Variants in SPHKAP observed in about 807,000 individuals in gnomAD.
The protein encoded by SPHKAP is SPHK1 interactor, AKAP domain containing, also known as A-kinase anchor protein SPHKAP.
Under a neutral mutation model 137.5 loss-of-function variants are expected in SPHKAP, and 67 were observed. That is an observed-to-expected ratio of 0.49 (90% CI 0.40 to 0.60). The LOEUF (loss-of-function observed/expected upper bound fraction) is 0.60. SPHKAP is among the 20% of genes least tolerant of loss of function. SPHKAP has a pLI of 0.00. For missense variants in SPHKAP, 2,097 were observed against 2,069.3 expected, an observed-to-expected ratio of 1.01 and a Z score of -0.26; for synonymous variants, 813 against 785.3, an observed-to-expected ratio of 1.04 and a Z score of -0.59.
intron 3 of SPHKAP, among the ~76,000 whole-genome samples, chr2:228,098,278 TC>T (rs1698061458): frequency 6.6e-6 from 1 of 152,198 alleles, no homozygotes; most frequent in Non-Finnish European, 1.5e-5. Flanking sequence ...CACATGTATG[TC>T]TTCTTTTAAG....
Position 228,128,845 on chromosome 2 carries a change from G to T in SPHKAP, c.138+3135C>A, listed in dbSNP as rs112991525. 3.9e-5 allele frequency among the ~76,000 whole-genome samples: 6 copies of T among 152,200 alleles called. 1 individual carries two copies. Among genetic ancestry groups the T allele is most frequent in the African/African-American group, 1.4e-4 (6 of 41,540 alleles). ...AGGAATCTTTTTTTATGAGCAGTAG[G>T]CTTCAAAAGGGGGCTTAAAATATTC... On this transcript the variant is annotated intron_variant, in intron 2 of 11. Transcript: ENST00000392056.
chr2:228,030,513 C>CAAAAAAAAAAAAAAA (rs11287311), intron 3 of SPHKAP, among the ~76,000 whole-genome samples: 3 of 48,766 alleles, frequency 6.2e-5, no homozygotes, highest in East Asian at 1.3e-3. Flanking sequence ...GATACCATCT[C>CAAAAAAAAAAAAAAA]AAAAAAAAAA....
intron 3 of SPHKAP, among the ~76,000 whole-genome samples, chr2:228,044,906 T>A (rs1052542364): frequency 4.6e-5 from 7 of 151,632 alleles, no homozygotes; most frequent in East Asian, 3.9e-4. Context: ...TACAAGAAAA[T>A]AACAAACAAC....
intron 5 of SPHKAP, among the ~76,000 whole-genome samples, chr2:228,024,547 T>G (rs1012650029): frequency 6.6e-6 from 1 of 152,162 alleles, no homozygotes; most frequent in Non-Finnish European, 1.5e-5. Context: ...CGTTTATTAA[T>G]TGATTTATCA....
chr2:228,179,507 G>A (rs1264510671), intron 1 of SPHKAP, among the ~76,000 whole-genome samples: 1 of 152,136 alleles, frequency 6.6e-6, no homozygotes, highest in African/African-American at 2.4e-5. Flanking sequence ...ATCAACTCAT[G>A]TACAGGAGTT....
intron 2 of SPHKAP, among the ~76,000 whole-genome samples, chr2:228,125,561 G>T (rs962243277): frequency 1.3e-5 from 2 of 152,076 alleles, no homozygotes; most frequent in African/African-American, 4.8e-5. Context: ...GAGAAACCTG[G>T]GATCTAATTC....
chr2:228,113,173 A>C lies in SPHKAP; in HGVS notation c.139-4234T>G, dbSNP rs1212183425. Among the ~76,000 whole-genome samples, 3 of 143,668 alleles carry C rather than the reference A, an allele frequency of 2.1e-5. No individual in the cohort carries two copies. The Admixed American group carries it at 2.3e-4, about 11-fold the overall frequency. The allele number at this position is 143,668 out of a possible 152,430, so 94.3% of individuals were successfully genotyped here. A position where few individuals can be genotyped will look rare whatever the true frequency, so the allele number is the denominator to read the frequency against. On this transcript the variant is annotated intron_variant, in intron 2 of 11. Coordinates refer to ENST00000392056, the MANE Select transcript of SPHKAP (RefSeq NM_001142644.2). The stretch of plus-strand genomic sequence containing the variant: ...ATTAGTTAATCTGATTATATCAGTA[A>C]TTAAAATAAGATATATTTTTCCATA...
chr2:228,140,231 G>A (rs1438395979), intron 1 of SPHKAP, among the ~76,000 whole-genome samples: 1 of 150,262 alleles, frequency 6.7e-6, no homozygotes, highest in East Asian at 2.0e-4. Context: ...ACAGGTGTGA[G>A]CTACTGCACC....
intron 7 of SPHKAP, among the ~76,000 whole-genome samples, chr2:228,003,709 T>A (rs946858820): frequency 2.0e-5 from 3 of 152,228 alleles, no homozygotes; most frequent in African/African-American, 7.2e-5. Context: ...TTGTCATAAA[T>A]AGCCCTTATT....
At chr2:228,013,251 A>G (rs1419299355) in intron 7 of SPHKAP, among the ~76,000 whole-genome samples, 1 of 152,118 alleles carries the variant, frequency 6.6e-6, no homozygotes. Context: ...TTTGTAAGAT[A>G]TTCCTTTTTC....
At chr2:228,069,340 T>C (rs1011422962) in intron 3 of SPHKAP, among the ~76,000 whole-genome samples, 1 of 152,204 alleles carries the variant, frequency 6.6e-6, no homozygotes, top group Non-Finnish European at 1.5e-5. Context: ...TATTCTGACT[T>C]TTATTTATCA....
intron 3 of SPHKAP, among the ~76,000 whole-genome samples, chr2:228,075,258 T>C (rs1335126598): frequency 6.6e-6 from 1 of 152,246 alleles, no homozygotes; most frequent in Admixed American, 6.5e-5. Context: ...CATTGTCTTT[T>C]GGTATATACA....
At chr2:228,028,363 G>C (rs976196380) in intron 3 of SPHKAP, among the ~76,000 whole-genome samples, 1 of 151,932 alleles carries the variant, frequency 6.6e-6, no homozygotes, top group African/African-American at 2.4e-5. Context: ...ATTTAACCTT[G>C]TTATACAATT....
At chr2:228,080,278 A>G (rs1697321054) in intron 3 of SPHKAP, among the ~76,000 whole-genome samples, 1 of 152,238 alleles carries the variant, frequency 6.6e-6, no homozygotes, top group Admixed American at 6.5e-5. Flanking sequence ...ATTCAATAGT[A>G]AGAAAACAAA....
intron 3 of SPHKAP, among the ~76,000 whole-genome samples, chr2:228,028,653 A>T (rs1695155921): frequency 6.6e-6 from 1 of 152,222 alleles, no homozygotes; most frequent in Non-Finnish European, 1.5e-5. Flanking sequence ...GGTATTTAGG[A>T]CAGAAACATG....
rs1559349931 is a variant in SPHKAP at position 228,018,486 on chromosome 2, C to T, written c.2368G>A (p.Gly790Ser). 1.2e-6 allele frequency: 2 copies of T among 1,614,140 alleles called. No individual in the cohort carries two copies. Among genetic ancestry groups the T allele is most frequent in the Non-Finnish European group, 1.7e-6 (2 of 1,180,010 alleles). Residue 790 changes from glycine to serine, a missense_variant, in exon 7 of 12, where the codon GGC (glycine) becomes AGC (serine). By Grantham distance (56) the Gly-to-Ser change is moderately conservative. Coordinates refer to ENST00000392056, the MANE Select transcript of SPHKAP (RefSeq NM_001142644.2). ...CCCTTGTCTTGTTTTGAATACATGCCATCCACAAGATTGTTGATGACAAGA... is the reference window on the plus strand; with the variant it reads ...CCCTTGTCTTGTTTTGAATACATGCTATCCACAAGATTGTTGATGACAAGA... Reference protein sequence around the residue: ...TSLVINNLVDGMYSKQDKGGV... With the variant: ...TSLVINNLVDSMYSKQDKGGV...
chr2:228,101,948 A>G (rs1698192448), intron 3 of SPHKAP, among the ~76,000 whole-genome samples: 5 of 152,218 alleles, frequency 3.3e-5, no homozygotes, highest in Admixed American at 3.3e-4. Context: ...CAACTTTATC[A>G]ACTTATACTC....
intron 2 of SPHKAP, among the ~76,000 whole-genome samples, chr2:228,110,498 G>T (rs1357049343): frequency 6.6e-6 from 1 of 152,196 alleles, no homozygotes; most frequent in Admixed American, 6.5e-5. Context: ...CGTTGGCTAG[G>T]GAACCTCTCA....
Position 228,149,279 on chromosome 2 carries a change from T to C in SPHKAP, c.33-17194A>G, listed in dbSNP as rs1473751511. ...TAGTTCTTTTTTGCAATGCAAATCA[T>C]GCAGATCAATAGGATATTACTTCAA... On this transcript the variant is annotated intron_variant, in intron 1 of 11. Transcript: ENST00000392056. 5.3e-5 allele frequency among the ~76,000 whole-genome samples: 8 copies of C among 152,220 alleles called. No individual in the cohort carries two copies. The South Asian group carries it at 1.2e-3, about 24-fold the overall frequency.
Sources: allele counts gnomAD v4.1 joint callset (sites outside exome capture counted in the v4.1 genomes callset), GRCh38; gene constraint gnomAD v4.1.1; transcripts MANE v1.5; gene names NCBI Gene and HGNC (gene_info 2026-07-23, HGNC 2026-07-21).